The following NBEA variants were observed in gnomAD, a reference collection of about 807,000 sequenced individuals.
NBEA encodes neurobeachin.
A neutral mutation model predicts 343.4 loss-of-function variants in NBEA; 44 were observed. The observed-to-expected ratio is 0.13, with a 90% CI of 0.10 to 0.16. The LOEUF (loss-of-function observed/expected upper bound fraction) is 0.16, where lower values mean the gene tolerates loss of function less well. Among genes scored for constraint, NBEA ranks in the 10% least tolerant of loss-of-function variants. The pLI, the probability that NBEA is intolerant of heterozygous loss-of-function variation, is 1.00. For missense variants in NBEA, 2,555 were observed against 3,631.3 expected (o/e 0.70, Z 7.62); for synonymous variants, 1,175 against 1,238.7 (o/e 0.95, Z 1.08).
chr13:35,352,577 T>A (rs1346740815), intron 38 of NBEA, among the ~76,000 whole-genome samples: 1 of 152,058 alleles, frequency 6.6e-6, no homozygotes, highest in Non-Finnish European at 1.5e-5. Flanking sequence ...CAAAATATGG[T>A]TAGGCAAGTA....
chr13:35,423,262 T>C (rs1166672966), intron 38 of NBEA, among the ~76,000 whole-genome samples: 2 of 152,112 alleles, frequency 1.3e-5, no homozygotes, highest in Non-Finnish European at 2.9e-5. Context: ...AGGTTTTCTT[T>C]TAGGGATTTT....
At chr13:35,059,721 A>G (rs1226843806) in intron 8 of NBEA, among the ~76,000 whole-genome samples, 1 of 149,624 alleles carries the variant, frequency 6.7e-6, no homozygotes, top group Non-Finnish European at 1.5e-5. Context: ...GTATTTTTGC[A>G]TTGGTATTTC....
chr13:35,422,198 G>T (rs2044324363), intron 38 of NBEA, among the ~76,000 whole-genome samples: 1 of 150,032 alleles, frequency 6.7e-6, no homozygotes, highest in Non-Finnish European at 1.5e-5. Context: ...TGCACAACGT[G>T]CAGGTTTGTT....
chr13:35,045,415 A>G lies in NBEA; in HGVS notation c.723+14A>G, dbSNP rs752611661. 4 of 1,557,274 alleles carry G rather than the reference A, an allele frequency of 2.6e-6. No homozygotes were observed. The highest frequency in any genetic ancestry group is 2.3e-5 in the East Asian group (1 of 44,190). ...TGTAGCGCTGCGGTAAGTTTTAAAT[A>G]CATGTGCTGATTTTTATTTATTTAT... is the stretch of plus-strand genomic sequence containing the variant. On this transcript the variant is annotated intron_variant, in intron 4 of 58. Transcript: ENST00000379939.
intron 40 of NBEA, among the ~76,000 whole-genome samples, chr13:35,462,818 A>G (rs2046981828): frequency 6.6e-6 from 1 of 152,268 alleles, no homozygotes; most frequent in East Asian, 1.9e-4. Flanking sequence ...TTTGTGGAGG[A>G]CTGTAATAAC....
In NBEA at chr13:35,654,952, C is replaced by T; in HGVS notation, c.8133C>T (p.Arg2711=). The change falls in exon 54 of 59, where the codon CGC becomes CGT. Residue 2711 remains arginine, a synonymous_variant. Coordinates refer to ENST00000379939, the MANE Select transcript of NBEA (RefSeq NM_001385012.1). ...GTTTTGTGGTAACAGCAGATAATCG[C>T]TATATTCTTATCTGTGGATTCTGGG... ...AHCFVVTADN[R]YILICGFWDK... 1 of 1,583,078 alleles carries T rather than the reference C, an allele frequency of 6.3e-7. No homozygotes were observed.
rs138704949 is a variant in NBEA at position 35,139,447 on chromosome 13, T to A, written c.2337-2822T>A. 5.8e-3 allele frequency among the ~76,000 whole-genome samples: 876 copies of A among 152,230 alleles called. 9 individuals carry two copies. Among genetic ancestry groups the A allele is most frequent in the African/African-American group, 0.02 (820 of 41,520 alleles). The stretch of plus-strand genomic sequence containing the variant: ...CATTTCAGTGGAATGTATAGTAAGC[T>A]AATACATCTATAATGTGCATGATTA... On this transcript the variant is annotated intron_variant, in intron 17 of 58. Transcript: ENST00000379939.
intron 27 of NBEA, among the ~76,000 whole-genome samples, chr13:35,175,736 C>T (rs1205430532): frequency 6.6e-6 from 1 of 151,818 alleles, no homozygotes; most frequent in African/African-American, 2.4e-5. Context: ...TTTTTTCCTT[C>T]CTGTGTTATG....
At chr13:35,088,006 C>A (rs73483945) in intron 10 of NBEA, among the ~76,000 whole-genome samples, 55 of 151,848 alleles carry the variant, frequency 3.6e-4, no homozygotes, top group African/African-American at 1.3e-3. Flanking sequence ...AAGAAGAAGA[C>A]TTTATATTTT....
intron 30 of NBEA, among the ~76,000 whole-genome samples, chr13:35,193,784 A>G (rs2072377844): frequency 6.6e-6 from 1 of 151,950 alleles, no homozygotes; most frequent in Non-Finnish European, 1.5e-5. Flanking sequence ...TATTCCACAG[A>G]TTAATCTATT....
intron 38 of NBEA, among the ~76,000 whole-genome samples, chr13:35,424,721 A>G (rs1218278813): frequency 6.6e-6 from 1 of 152,136 alleles, no homozygotes; most frequent in African/African-American, 2.4e-5. Context: ...TTCAGAAGGA[A>G]TGGTACCAGC....
At chr13:35,139,147 G>A (rs1331721504) in intron 17 of NBEA, among the ~76,000 whole-genome samples, 2 of 127,782 alleles carry the variant, frequency 1.6e-5, no homozygotes, top group East Asian at 2.6e-4. Context: ...TGCAACCTCC[G>A]CCTCCCATGC....
chr13:34,989,093 G>A (rs549048254), intron 1 of NBEA, among the ~76,000 whole-genome samples: 25 of 150,636 alleles, frequency 1.7e-4, no homozygotes, highest in African/African-American at 3.6e-4. Context: ...TTTTTTAGGC[G>A]TATCTCCCTG....
At chr13:35,574,463 G>A (rs927980590) in intron 45 of NBEA, among the ~76,000 whole-genome samples, 1 of 151,840 alleles carries the variant, frequency 6.6e-6, no homozygotes, top group African/African-American at 2.4e-5. Context: ...GTAAGAATGA[G>A]TTCTTTTAAA....
rs778860351 is a variant in NBEA at position 34,946,847 on chromosome 13, G to GTT, written c.294+3746_294+3747dup. Among the ~76,000 whole-genome samples, 393 of 130,246 alleles carry GTT rather than the reference G, an allele frequency of 3.0e-3. 2 individuals carry two copies. Among genetic ancestry groups the GTT allele is most frequent in the African/African-American group, 0.01 (369 of 35,806 alleles). The allele number at this position is 130,246 out of a possible 152,430, so 85.4% of individuals were successfully genotyped here. A position where few individuals can be genotyped will look rare whatever the true frequency, so the allele number is the denominator to read the frequency against. On this transcript the variant is annotated intron_variant, in intron 1 of 58. Transcript: ENST00000379939. Reference sequence around the variant, plus strand: ...TTTTTGTTAAAAGGGTAACTTTAAGGTTTTTTTTTTTTTTGTACTTGAATA... The same window carrying GTT: ...TTTTTGTTAAAAGGGTAACTTTAAGGTTTTTTTTTTTTTTTTGTACTTGAATA...
intron 41 of NBEA, among the ~76,000 whole-genome samples, chr13:35,499,467 G>T (rs912026835): frequency 6.6e-6 from 1 of 152,030 alleles, no homozygotes; most frequent in Non-Finnish European, 1.5e-5. Flanking sequence ...ATGTTCAGCT[G>T]CTCTGTTCTC....
At chr13:35,574,893 G>A (rs1322472082) in intron 45 of NBEA, among the ~76,000 whole-genome samples, 1 of 151,858 alleles carries the variant, frequency 6.6e-6, no homozygotes, top group Admixed American at 6.6e-5. Flanking sequence ...GGGATTAAAG[G>A]CGTGCACCAC....
chr13:35,626,821 C>T (rs1375919306), intron 48 of NBEA, among the ~76,000 whole-genome samples: 1 of 152,056 alleles, frequency 6.6e-6, no homozygotes, highest in African/African-American at 2.4e-5. Flanking sequence ...ATTTCAAGAT[C>T]GATGAGATAG....
intron 36 of NBEA, among the ~76,000 whole-genome samples, chr13:35,329,057 AG>A (rs1421438387): frequency 1.3e-5 from 2 of 151,996 alleles, no homozygotes; most frequent in African/African-American, 4.8e-5. Flanking sequence ...ACTACACCAA[AG>A]AAGATATACA....
Sources: allele counts gnomAD v4.1 joint callset (sites outside exome capture counted in the v4.1 genomes callset), GRCh38; gene constraint gnomAD v4.1.1; transcripts MANE v1.5; gene names NCBI Gene and HGNC (gene_info 2026-07-23, HGNC 2026-07-21).